The following POGLUT3 variants were observed in gnomAD, a reference collection of about 807,000 sequenced individuals.
POGLUT3 encodes KDEL (Lys-Asp-Glu-Leu) containing 2.
In POGLUT3, 48 loss-of-function variants were observed where a neutral mutation model predicts 54.3. The ratio of observed to expected loss-of-function variants is 0.88; its 90% CI spans 0.70 to 1.12. The LOEUF is 1.12. POGLUT3 is among the 50% of genes most tolerant of loss of function. POGLUT3 has a pLI of 0.00. For synonymous variants in POGLUT3, 218 were observed against 237.4 expected (o/e 0.92, Z 0.75); for missense variants, 629 against 618.7 (o/e 1.02, Z -0.18).
intron 6 of POGLUT3, chr11:108,478,243 G>A (rs781762594): frequency 2.6e-5 from 4 of 152,980 alleles, no homozygotes; most frequent in Non-Finnish European, 4.4e-5. Context: ...AGACATCTCC[G>A]TTAAAGAGAA....
At chr11:108,484,689 G>C (rs1243400954) in intron 3 of POGLUT3, among the ~76,000 whole-genome samples, 1 of 152,178 alleles carries the variant, frequency 6.6e-6, no homozygotes, top group Non-Finnish European at 1.5e-5. Flanking sequence ...CCAGGAGACA[G>C]AGGTTGCAGT....
chr11:108,493,904 C>CTATG (rs2093617606), intron 1 of POGLUT3, among the ~76,000 whole-genome samples: 1 of 151,328 alleles, frequency 6.6e-6, no homozygotes, highest in South Asian at 2.1e-4. Context: ...AATGCAGTGA[C>CTATG]TATGTAGACA....
intron 7 of POGLUT3, 128 bp from the exon 8 acceptor site, chr11:108,475,080 G>T: frequency 2.1e-6 from 2 of 933,674 alleles, no homozygotes; most frequent in South Asian, 1.6e-5. Flanking sequence ...TAAAACCAAA[G>T]GTCTGGTTTA....
intron 3 of POGLUT3, among the ~76,000 whole-genome samples, chr11:108,482,426 A>G (rs1020076069): frequency 2.6e-5 from 4 of 152,160 alleles, no homozygotes; most frequent in African/African-American, 4.8e-5. Context: ...CTTAACCAGG[A>G]GTCAGCTACC....
chr11:108,491,336 T>A (rs1341807227), intron 1 of POGLUT3, 169 bp from the exon 2 acceptor site: 1 of 621,286 alleles, frequency 1.6e-6, no homozygotes, highest in African/African-American at 1.9e-5. Context: ...CTGTCATGTC[T>A]GGTTCATGCA....
chr11:108,484,855 T>A (rs771077059), intron 3 of POGLUT3, among the ~76,000 whole-genome samples: 55 of 152,080 alleles, frequency 3.6e-4, no homozygotes, highest in Non-Finnish European at 6.8e-4. Flanking sequence ...CCCTGTATGA[T>A]CAGAAACAAG....
chr11:108,475,811 C>T (rs1263440727), intron 7 of POGLUT3, among the ~76,000 whole-genome samples: 1 of 151,940 alleles, frequency 6.6e-6, no homozygotes. Context: ...GTCCCTTTTG[C>T]TGTATATTCC....
At position 108,474,873 on chromosome 11, in the gene POGLUT3, G is replaced by T. The variant is rs751978006; in HGVS notation, c.1478C>A (p.Ala493Asp). Residue 493 changes from alanine to aspartate, a missense_variant, in exon 8 of 8, where the codon GCC (alanine) becomes GAC (aspartate). Ala to Asp is a moderately radical substitution (Grantham distance 126). Transcript: ENST00000323468. The part of the protein sequence containing the change: ...ELVPQPEDST[A>D]ICQCHRKKPS... ...CTTTTTCCTGTGGCACTGGCAGATGGCTGTGCTATCTTCTGGCTGAGGAAC... is the reference window on the plus strand; with the variant it reads ...CTTTTTCCTGTGGCACTGGCAGATGTCTGTGCTATCTTCTGGCTGAGGAAC... 4 of 1,614,046 alleles carry T rather than the reference G, an allele frequency of 2.5e-6. No homozygotes were observed. Among genetic ancestry groups the T allele is most frequent in the Non-Finnish European group, 3.4e-6 (4 of 1,179,964 alleles).
chr11:108,481,345 A>C lies in POGLUT3; in HGVS notation c.933T>G (p.Ala311=), dbSNP rs754117280. ...CTCGGCTGTCTCTACCTCTGAAGAA[A>C]GCTCTCTCTGTTTTATTGATCCAGG... is the stretch of plus-strand genomic sequence containing the variant. ...GPSWINKTER[A]FFRGRDSREE... Residue 311 remains alanine, a synonymous_variant, in exon 5 of 8, where the codon GCT becomes GCG. Transcript: ENST00000323468. 6.3e-7 allele frequency: 1 copy of C among 1,590,588 alleles called. No homozygotes were observed. Among genetic ancestry groups the C allele is most frequent in the African/African-American group, 1.4e-5 (1 of 73,242 alleles).
intron 6 of POGLUT3, 136 bp from the exon 7 acceptor site, chr11:108,477,847 C>T: frequency 1.5e-6 from 1 of 674,346 alleles, no homozygotes; most frequent in East Asian, 2.7e-5. Context: ...GGAATTATAA[C>T]TTAAGAATGA....
chr11:108,475,463 G>GTTTTTTTTTTTTTTTTTTTTTTTTTTT (rs367899085), intron 7 of POGLUT3, among the ~76,000 whole-genome samples: 1 of 109,926 alleles, frequency 9.1e-6, no homozygotes. Flanking sequence ...AGTTTTTTTT[G>GTTTTTTTTTTTTTTTTTTTTTTTTTTT]TTTTTGTTTT....
chr11:108,479,123 G>C (rs1377533719), intron 6 of POGLUT3, among the ~76,000 whole-genome samples, 178 bp downstream of exon 6: 2 of 152,182 alleles, frequency 1.3e-5, no homozygotes, highest in South Asian at 4.1e-4. Flanking sequence ...AATGTTGATA[G>C]AGGGTATGCA....
intron 2 of POGLUT3, among the ~76,000 whole-genome samples, chr11:108,490,397 C>T (rs1033320941): frequency 5.3e-5 from 8 of 152,004 alleles, no homozygotes; most frequent in Non-Finnish European, 1.0e-4. Context: ...GACGGGGTTT[C>T]ACCATGTTGC....
At chr11:108,479,246 C>A in intron 6 of POGLUT3, 55 bp downstream of exon 6, 1 of 1,251,330 alleles carries the variant, frequency 8.0e-7, no homozygotes, top group Admixed American at 2.3e-5. Flanking sequence ...TGGAACTCAT[C>A]TAACACTGAT....
intron 2 of POGLUT3, among the ~76,000 whole-genome samples, chr11:108,488,397 A>T (rs767304200): frequency 6.6e-6 from 1 of 152,168 alleles, no homozygotes; most frequent in Non-Finnish European, 1.5e-5. Context: ...GGGAACAAAT[A>T]AGGTAAGCCC....
chr11:108,496,999 C>T (rs1002181018), intron 1 of POGLUT3, among the ~76,000 whole-genome samples: 1 of 152,230 alleles, frequency 6.6e-6, no homozygotes, highest in African/African-American at 2.4e-5. Context: ...TCCTTCAAGT[C>T]TCTGCTCCTG....
At position 108,473,607 on chromosome 11, in the gene POGLUT3, A is replaced by G. The variant is rs535490070; in HGVS notation, c.*1220T>C. 6.6e-6 allele frequency: 1 copy of G among 152,352 alleles called. No homozygotes were observed. Among genetic ancestry groups the G allele is most frequent in the South Asian group, 2.1e-4 (1 of 4,832 alleles). 9.4% of individuals were successfully genotyped at this position (152,352 alleles called of 1,614,324 possible). A position where few individuals can be genotyped will look rare whatever the true frequency, so the allele number is the denominator to read the frequency against. ...TTGCCTTTGTTCTTGGCCTATTATTAGTGAATCCCAAGATAGCAGGCTTCC... is the reference window on the plus strand; with the variant it reads ...TTGCCTTTGTTCTTGGCCTATTATTGGTGAATCCCAAGATAGCAGGCTTCC... On this transcript the variant is annotated 3_prime_UTR_variant, in exon 8 of 8. Coordinates refer to ENST00000323468, the MANE Select transcript of POGLUT3 (RefSeq NM_153705.5).
At chr11:108,478,967 T>A (rs1029447208) in intron 6 of POGLUT3, among the ~76,000 whole-genome samples, 1 of 152,230 alleles carries the variant, frequency 6.6e-6, no homozygotes, top group African/African-American at 2.4e-5. Context: ...GCCTGAAATA[T>A]TTTCTTGTTC....
intron 2 of POGLUT3, 43 bp from the exon 3 acceptor site, chr11:108,486,483 GCAC>G (rs2093603732): frequency 6.3e-7 from 1 of 1,585,248 alleles, no homozygotes; most frequent in East Asian, 2.2e-5. Context: ...CCATTAGCAA[GCAC>G]CACAACACAG....
Sources: gnomAD v4.1 joint callset for allele counts (sites outside exome capture counted in the v4.1 genomes callset) on GRCh38, gnomAD v4.1.1 for gene constraint, MANE v1.5 for transcripts, NCBI Gene and HGNC (gene_info 2026-07-23, HGNC 2026-07-21) for gene names.